The following TTLL5 variants were observed in gnomAD, a reference collection of about 807,000 sequenced individuals.
The protein encoded by TTLL5 is tubulin tyrosine ligase like 5, also known as tubulin polyglutamylase TTLL5.
TTLL5 carries 132 observed loss-of-function variants against 168.4 expected under a neutral mutation model. The ratio of observed to expected loss-of-function variants is 0.78; its 90% CI spans 0.68 to 0.91. The LOEUF (loss-of-function observed/expected upper bound fraction) is 0.91, where lower values mean the gene tolerates loss of function less well. Among genes scored for constraint, TTLL5 ranks in the 40% least tolerant of loss-of-function variants. The pLI is 0.00. For synonymous variants in TTLL5, 546 were observed against 558.6 expected (o/e 0.98, Z 0.32); for missense variants, 1,545 against 1,581.5 (o/e 0.98, Z 0.39).
At position 75,771,717 on chromosome 14, in the gene TTLL5, G is replaced by A; in HGVS notation, c.2016-17G>A. The A allele has an allele frequency of 6.2e-7, 1 of 1,613,060 alleles. No homozygotes were observed. The highest frequency in any genetic ancestry group is 1.1e-5 in the South Asian group (1 of 90,764). ...CACTTCTGTCACATAACGGTATGTT[G>A]TTTTGGATTTCTATAGCAAAATGCA... On this transcript the variant is annotated splice_polypyrimidine_tract_variant and intron_variant, in intron 20 of 31. Coordinates refer to ENST00000298832, the MANE Select transcript of TTLL5 (RefSeq NM_015072.5).
At chr14:75,789,319 CATA>C (rs1351644718) in intron 26 of TTLL5, among the ~76,000 whole-genome samples, 8 of 151,854 alleles carry the variant, frequency 5.3e-5, no homozygotes, top group Non-Finnish European at 1.2e-4. Flanking sequence ...CAAGTATAAG[CATA>C]AGGATCAAAA....
intron 30 of TTLL5, among the ~76,000 whole-genome samples, chr14:75,893,202 A>G (rs1414278558): frequency 6.6e-6 from 1 of 152,252 alleles, no homozygotes; most frequent in Non-Finnish European, 1.5e-5. Context: ...GACCTAAAGG[A>G]TAATTGGACA....
At chr14:75,774,684 A>C (rs1310647663) in intron 21 of TTLL5, among the ~76,000 whole-genome samples, 1 of 151,192 alleles carries the variant, frequency 6.6e-6, no homozygotes, top group Non-Finnish European at 1.5e-5. Context: ...ATTTTCTCTT[A>C]ATTTTCTTTT....
intron 3 of TTLL5, among the ~76,000 whole-genome samples, chr14:75,678,608 A>G (rs943566608): frequency 2.6e-5 from 4 of 152,176 alleles, no homozygotes; most frequent in African/African-American, 9.7e-5. Flanking sequence ...ACATTTTTAA[A>G]TATTCTAGAC....
At position 75,902,152 on chromosome 14, in the gene TTLL5, G is replaced by A. The variant is rs749147754; in HGVS notation, c.3751G>A (p.Ala1251Thr). 1.5e-5 allele frequency: 25 copies of A among 1,614,002 alleles called. No homozygotes were observed. The highest frequency in any genetic ancestry group is 1.9e-5 in the Non-Finnish European group (22 of 1,180,016). The change falls in exon 31 of 32, where the codon GCG becomes ACG. Residue 1251 changes from alanine (A) to threonine (T), a missense_variant. Coordinates refer to ENST00000298832, the MANE Select transcript of TTLL5 (RefSeq NM_015072.5). Reference sequence around the variant, plus strand: ...TCCTTTGTGTTTCAGAGGGTCCTCCGCGGAAGGGCAGCTGAATGGACTCCA... The same window carrying A: ...TCCTTTGTGTTTCAGAGGGTCCTCCACGGAAGGGCAGCTGAATGGACTCCA... ...TSQKASKGSSAEGQLNGLQSS... is the reference protein window; with the variant it reads ...TSQKASKGSSTEGQLNGLQSS...
chr14:75,862,793 A>T (rs1383173277), intron 28 of TTLL5, among the ~76,000 whole-genome samples: 2 of 152,046 alleles, frequency 1.3e-5, no homozygotes. Context: ...AAAATATATA[A>T]AAATTAGCCA....
At chr14:75,676,382 A>G (rs541973167) in intron 3 of TTLL5, among the ~76,000 whole-genome samples, 3 of 152,280 alleles carry the variant, frequency 2.0e-5, no homozygotes, top group African/African-American at 7.2e-5. Context: ...ATTTAGTTTT[A>G]TTTTGAAGCA....
At chr14:75,749,758 G>T (rs1194644225) in intron 17 of TTLL5, among the ~76,000 whole-genome samples, 1 of 152,056 alleles carries the variant, frequency 6.6e-6, no homozygotes, top group African/African-American at 2.4e-5. Context: ...ATAGAATGTG[G>T]GAGGTATGTT....
chr14:75,916,322 C>T (rs1416816830), intron 31 of TTLL5, among the ~76,000 whole-genome samples: 1 of 152,088 alleles, frequency 6.6e-6, no homozygotes, highest in Admixed American at 6.6e-5. Context: ...ATGAAAAACA[C>T]TATGGTGGTT....
At chr14:75,925,370 G>A (rs1311390799) in intron 31 of TTLL5, among the ~76,000 whole-genome samples, 2 of 89,484 alleles carry the variant, frequency 2.2e-5, no homozygotes, top group African/African-American at 5.1e-5. Context: ...CCTCACCTCC[G>A]AGACGGGGTC....
chr14:75,790,041 A>G (rs1352333356), intron 26 of TTLL5, among the ~76,000 whole-genome samples: 1 of 152,156 alleles, frequency 6.6e-6, no homozygotes, highest in Non-Finnish European at 1.5e-5. Flanking sequence ...AGAAACAGTC[A>G]CACAAGAAGA....
chr14:75,810,096 T>C (rs1005190152), intron 27 of TTLL5, among the ~76,000 whole-genome samples: 14 of 152,236 alleles, frequency 9.2e-5, no homozygotes, highest in African/African-American at 2.9e-4. Flanking sequence ...TTTTTGTCAT[T>C]GTTTTATCCT....
intron 31 of TTLL5, among the ~76,000 whole-genome samples, chr14:75,927,770 C>T (rs759783682): frequency 3.3e-5 from 5 of 152,118 alleles, no homozygotes; most frequent in South Asian, 2.1e-4. Context: ...AGGTGTCAGG[C>T]TCCCGAGTAT....
intron 18 of TTLL5, among the ~76,000 whole-genome samples, chr14:75,760,790 G>A (rs1384156411): frequency 6.6e-6 from 1 of 152,034 alleles, no homozygotes; most frequent in African/African-American, 2.4e-5. Flanking sequence ...ATACAAAAAT[G>A]ATTACTATAA....
chr14:75,732,171 TCTTGAA>T (rs1888590535), intron 12 of TTLL5, 161 bp from the exon 13 acceptor site: 1 of 572,904 alleles, frequency 1.7e-6, no homozygotes, highest in Non-Finnish European at 3.1e-6. Flanking sequence ...GATTAATTTC[TCTTGAA>T]CTTGAAAGAT....
chr14:75,859,040 G>C (rs1897281374), intron 28 of TTLL5, among the ~76,000 whole-genome samples: 1 of 152,236 alleles, frequency 6.6e-6, no homozygotes, highest in Admixed American at 6.5e-5. Flanking sequence ...GGGCATCCTT[G>C]TACATGGTAG....
chr14:75,773,031 C>T (rs1891440605), intron 21 of TTLL5, among the ~76,000 whole-genome samples: 1 of 152,152 alleles, frequency 6.6e-6, no homozygotes, highest in African/African-American at 2.4e-5. Flanking sequence ...TCTGAGAAAG[C>T]TGCATTCTTT....
chr14:75,776,275 A>G lies in TTLL5; in HGVS notation c.2284-472A>G, dbSNP rs549871877. 2.6e-5 allele frequency among the ~76,000 whole-genome samples: 4 copies of G among 152,334 alleles called. No individual in the cohort carries two copies. In the South Asian group the frequency reaches 8.3e-4, roughly 32 times the overall value. ...ATCAGTGCACCAAACTCATAGCCAC[A>G]ATTTACTCCAGATCTGTTGAGAATT... On this transcript the variant is annotated intron_variant, in intron 22 of 31. Transcript: ENST00000298832.
At position 75,863,797 on chromosome 14, in the gene TTLL5, C is replaced by T. The variant is rs754538700; in HGVS notation, c.3457C>T (p.Gln1153Ter). ...CAGCTATCAGCTTCAATTTGCCCTG[C>T]AGCAACTTGAACAACAAAAACTTCA... ...AGSYQLQFAL[Q>*]QLEQQKLQSR... The change falls in exon 29 of 32, where the codon CAG becomes TAG. Residue 1153 changes from glutamine to a stop codon, truncating the protein, a stop_gained. Coordinates refer to ENST00000298832, the MANE Select transcript of TTLL5 (RefSeq NM_015072.5). LOFTEE classifies it high-confidence loss of function. 6.2e-7 allele frequency: 1 copy of T among 1,609,106 alleles called. No homozygotes were observed. The highest frequency in any genetic ancestry group is 2.2e-5 in the East Asian group (1 of 44,730).
Sources: allele counts gnomAD v4.1 joint callset (sites outside exome capture counted in the v4.1 genomes callset), GRCh38; gene constraint gnomAD v4.1.1; transcripts MANE v1.5; gene names NCBI Gene and HGNC (gene_info 2026-07-23, HGNC 2026-07-21).